The following AGAP1 variants were observed in gnomAD, a reference collection of about 807,000 sequenced individuals.
The protein encoded by AGAP1 is ArfGAP with GTPase domain, ankyrin repeat and PH domain 1.
AGAP1 carries 29 observed loss-of-function variants against 105.3 expected under a neutral mutation model. The observed-to-expected ratio is 0.28, with a 90% CI of 0.21 to 0.38. The LOEUF (loss-of-function observed/expected upper bound fraction) is 0.38. Ranked by LOEUF, AGAP1 falls within the 10% of genes least tolerant of loss-of-function variation. The pLI is 1.00. For missense variants in AGAP1, 998 were observed against 1,165.1 expected (o/e 0.86, Z 2.09); for synonymous variants, 509 against 485.9 (o/e 1.05, Z -0.63).
intron 1 of AGAP1, among the ~76,000 whole-genome samples, chr2:235,567,693 G>A (rs1371039586): frequency 6.6e-6 from 1 of 150,644 alleles, no homozygotes; most frequent in East Asian, 2.0e-4. Flanking sequence ...AGAAGGGGCT[G>A]CAGGGGAAGA....
In AGAP1 at chr2:235,609,389, G is replaced by A. The variant is rs574356043; in HGVS notation, c.164-99790G>A. Among the ~76,000 whole-genome samples, 1 of 152,194 alleles carries A rather than the reference G, an allele frequency of 6.6e-6. No homozygotes were observed. Among genetic ancestry groups the A allele is most frequent in the South Asian group, 2.1e-4 (1 of 4,822 alleles). ...GGGAGAGCTTCAGAATGAGCGGGAA[G>A]CCTCCACAACAGGTGGAGAAAATAG... On this transcript the variant is annotated intron_variant, in intron 1 of 17. Coordinates refer to ENST00000304032, the MANE Select transcript of AGAP1 (RefSeq NM_001037131.3). The surrounding 1 kb of genome is among the most constrained non-coding windows in gnomAD (Gnocchi z 5.1).
At chr2:235,735,469 C>T (rs1952194184) in intron 3 of AGAP1, among the ~76,000 whole-genome samples, 1 of 152,144 alleles carries the variant, frequency 6.6e-6, no homozygotes, top group African/African-American at 2.4e-5. Flanking sequence ...TGAAGGAACC[C>T]AGTTGTTTTA....
At chr2:235,922,791 A>T (rs2052244989) in intron 11 of AGAP1, among the ~76,000 whole-genome samples, 1 of 152,248 alleles carries the variant, frequency 6.6e-6, no homozygotes, top group Non-Finnish European at 1.5e-5. Flanking sequence ...ACATACTGAT[A>T]TTCATTCAGA....
chr2:235,778,412 G>A (rs1956043859), intron 6 of AGAP1, among the ~76,000 whole-genome samples: 1 of 152,156 alleles, frequency 6.6e-6, no homozygotes, highest in Non-Finnish European at 1.5e-5. Context: ...GACCACCACT[G>A]TGCTGTGGGT....
Position 235,934,359 on chromosome 2 carries a change from C to T in AGAP1, c.1483+3436C>T, listed in dbSNP as rs149487075. On this transcript the variant is annotated intron_variant, in intron 12 of 17. Coordinates refer to ENST00000304032, the MANE Select transcript of AGAP1 (RefSeq NM_001037131.3). This position sits in a 1 kb window ranked among gnomAD's most constrained non-coding sequence, Gnocchi z 4.9. The stretch of plus-strand genomic sequence containing the variant: ...GGCTGGTGATGCAGAATTCAGGCTC[C>T]ACCCAGGCCTGCTGGACGCATCCTT... Among the ~76,000 whole-genome samples the T allele has an allele frequency of 1.2e-4, 18 of 152,312 alleles. No individual in the cohort carries two copies. The highest frequency in any genetic ancestry group is 4.3e-4 in the African/African-American group (18 of 41,566).
intron 1 of AGAP1, among the ~76,000 whole-genome samples, chr2:235,538,416 C>A (rs111816404): frequency 0.023 from 1,248 of 53,240 alleles, 11 homozygotes; most frequent in Non-Finnish European, 0.038. Flanking sequence ...GGAGGAAGAA[C>A]CTCAGCCACT....
chr2:235,740,893 A>G lies in AGAP1; in HGVS notation c.311-70A>G, dbSNP rs1952541103. On this transcript the variant is annotated intron_variant, in intron 3 of 17. Coordinates refer to ENST00000304032, the MANE Select transcript of AGAP1 (RefSeq NM_001037131.3). This position sits in a 1 kb window ranked among gnomAD's most constrained non-coding sequence, Gnocchi z 5.7. Reference sequence around the variant, plus strand: ...CTAGGGTGTATTTTTCCACAAGCGAAGCCCACGTCTGTCTGCCCTCCTCAC... The same window carrying G: ...CTAGGGTGTATTTTTCCACAAGCGAGGCCCACGTCTGTCTGCCCTCCTCAC... 6.3e-7 allele frequency: 1 copy of G among 1,592,926 alleles called. No homozygotes were observed. Among genetic ancestry groups the G allele is most frequent in the Admixed American group, 1.7e-5 (1 of 59,760 alleles).
At position 235,722,746 on chromosome 2, in the gene AGAP1, A is replaced by G. The variant is rs139593953; in HGVS notation, c.310+5102A>G. Among the ~76,000 whole-genome samples the G allele has an allele frequency of 1.1e-3, 160 of 152,320 alleles. 3 individuals are homozygous for G. In the East Asian group the frequency reaches 0.02, roughly 19 times the overall value. On this transcript the variant is annotated intron_variant, in intron 3 of 17. Coordinates refer to ENST00000304032, the MANE Select transcript of AGAP1 (RefSeq NM_001037131.3). ...TTGAACGTATCTTCTAGGGGATACA[A>G]TTCAACCCACAGCAGTGTGTGTTAT...
In AGAP1 at chr2:235,728,304, T is replaced by C. The variant is rs1440076356; in HGVS notation, c.310+10660T>C. Among the ~76,000 whole-genome samples, 2 of 149,222 alleles carry C rather than the reference T, an allele frequency of 1.3e-5. No individual in the cohort carries two copies. Among genetic ancestry groups the C allele is most frequent in the African/African-American group, 2.5e-5 (1 of 40,494 alleles). ...TGAAAAGGACTGGGCCCAGACTCTG[T>C]GTGTGTGTGTGTGTGTGTGTGTGCG... On this transcript the variant is annotated intron_variant, in intron 3 of 17. Coordinates refer to ENST00000304032, the MANE Select transcript of AGAP1 (RefSeq NM_001037131.3). This position sits in a 1 kb window ranked among gnomAD's most constrained non-coding sequence, Gnocchi z 4.3.
At chr2:235,831,421 T>C (rs999476966) in intron 9 of AGAP1, among the ~76,000 whole-genome samples, 2 of 152,138 alleles carry the variant, frequency 1.3e-5, no homozygotes, top group Admixed American at 6.5e-5. Flanking sequence ...CACTGCGGTG[T>C]ATAGGATCAT....
intron 6 of AGAP1, among the ~76,000 whole-genome samples, chr2:235,771,851 T>G (rs1955474915): frequency 6.6e-6 from 1 of 152,210 alleles, no homozygotes; most frequent in Non-Finnish European, 1.5e-5. Flanking sequence ...TATTTCATAT[T>G]TTAATCATTC....
At chr2:235,656,952 T>G (rs1947793195) in intron 1 of AGAP1, among the ~76,000 whole-genome samples, 1 of 152,222 alleles carries the variant, frequency 6.6e-6, no homozygotes, top group Admixed American at 6.5e-5. Context: ...GGATTATGAT[T>G]TAATATTTCA....
At chr2:235,834,797 C>T (rs1959924855) in intron 9 of AGAP1, among the ~76,000 whole-genome samples, 1 of 152,192 alleles carries the variant, frequency 6.6e-6, no homozygotes, top group Non-Finnish European at 1.5e-5. Context: ...GTGAGGTTGA[C>T]TTCTGGGCGC....
intron 13 of AGAP1, among the ~76,000 whole-genome samples, chr2:236,017,850 T>C (rs774042995): frequency 2.0e-5 from 3 of 152,204 alleles, no homozygotes; most frequent in Admixed American, 1.3e-4. Flanking sequence ...AAAATTGGGA[T>C]TCTGATAACT....
rs1456112114 is a variant in AGAP1, at chr2:236,083,323, C to T, written c.2114+34042C>T. Among the ~76,000 whole-genome samples the T allele has an allele frequency of 8.5e-5, 13 of 152,110 alleles. No individual in the cohort carries two copies. The highest frequency in any genetic ancestry group is 5.9e-5 in the Non-Finnish European group (4 of 68,020). On this transcript the variant is annotated intron_variant, in intron 16 of 17. Coordinates refer to ENST00000304032, the MANE Select transcript of AGAP1 (RefSeq NM_001037131.3). This position sits in a 1 kb window ranked among gnomAD's most constrained non-coding sequence, Gnocchi z 5.3. ...ATGAGCTCGGTTTGTTGCAAGGAAG[C>T]GTCGTCCTCCTCACGGGCTCTTTAC... is the stretch of plus-strand genomic sequence containing the variant.
chr2:235,834,872 A>C (rs1646080323), intron 9 of AGAP1, among the ~76,000 whole-genome samples: 1 of 152,188 alleles, frequency 6.6e-6, no homozygotes, highest in Admixed American at 6.5e-5. Context: ...CCCCTCTGCC[A>C]TAGGGAGAGC....
Position 236,092,465 on chromosome 2 carries a change from TCA to T in AGAP1, c.2115-27725_2115-27724del, listed in dbSNP as rs1182960326. Among the ~76,000 whole-genome samples, 1 of 152,206 alleles carries T rather than the reference TCA, an allele frequency of 6.6e-6. No homozygotes were observed. ...TGGAGTGTAGTGGTGCAGTCTCGTC[TCA>T]CTGCAACCTCCGCCTCCCGGGTTCA... On this transcript the variant is annotated intron_variant, in intron 16 of 17. Coordinates refer to ENST00000304032, the MANE Select transcript of AGAP1 (RefSeq NM_001037131.3). This position sits in a 1 kb window ranked among gnomAD's most constrained non-coding sequence, Gnocchi z 4.7.
chr2:235,628,234 A>G (rs1157405812), intron 1 of AGAP1, among the ~76,000 whole-genome samples: 1 of 152,196 alleles, frequency 6.6e-6, no homozygotes, highest in Non-Finnish European at 1.5e-5. Context: ...TGCTGCCTAC[A>G]GTCCTTTCAG....
intron 1 of AGAP1, among the ~76,000 whole-genome samples, chr2:235,572,970 A>T (rs1158816258): frequency 6.8e-6 from 1 of 147,528 alleles, no homozygotes; most frequent in Admixed American, 6.7e-5. Flanking sequence ...CGATTGCTCC[A>T]TCTTTTTTCT....
Sources: allele counts gnomAD v4.1 joint callset (sites outside exome capture counted in the v4.1 genomes callset), GRCh38; gene constraint gnomAD v4.1.1; non-coding constraint Gnocchi (gnomAD v3.1); transcripts MANE v1.5; gene names NCBI Gene and HGNC (gene_info 2026-07-23, HGNC 2026-07-21).